The following HHIPL1 variants were observed in gnomAD, a reference collection of about 807,000 sequenced individuals.
HHIPL1 encodes the protein HHIP like 1.
Under a neutral mutation model 61.8 loss-of-function variants are expected in HHIPL1, and 43 were observed. That is an observed-to-expected ratio of 0.70 (90% CI 0.55 to 0.90). The LOEUF is 0.90. Ranked by LOEUF, HHIPL1 falls within the 40% of genes least tolerant of loss-of-function variation. The pLI, the probability that HHIPL1 is intolerant of heterozygous loss-of-function variation, is 0.00. For synonymous variants in HHIPL1, 482 were observed against 515.8 expected (o/e 0.93, Z 0.89); for missense variants, 1,056 against 1,157.7 (o/e 0.91, Z 1.28).
the HHIPL1 span, among the ~76,000 whole-genome samples, chr14:99,612,247 G>A: frequency 1.3e-5 from 2 of 152,192 alleles, no homozygotes; most frequent in Admixed American, 6.5e-5. Flanking sequence ...CTGACGATGA[G>A]AGAAACTGCC....
At chr14:99,628,472 T>A in the HHIPL1 span, among the ~76,000 whole-genome samples, 1 of 150,970 alleles carries the variant, frequency 6.6e-6, no homozygotes, top group African/African-American at 2.4e-5. Context: ...TCCCAGCTAC[T>A]TGGGAGGCTG....
the HHIPL1 span, chr14:99,625,318 A>G: frequency 2.5e-4 from 38 of 152,274 alleles, no homozygotes; most frequent in African/African-American, 8.2e-4. Flanking sequence ...AAGGTCCCAC[A>G]GCCAAGGGGT....
In HHIPL1 at chr14:99,659,769, G is replaced by C; in HGVS notation, c.1375+13G>C. ...AACACCTCTCTCAGTGAGTGCCCGC[G>C]CCCCGGGGACCCCGGCCCCGAATCC... On this transcript the variant is annotated intron_variant, in intron 4 of 8. Transcript: ENST00000330710. 7.5e-7 allele frequency: 1 copy of C among 1,329,352 alleles called. No homozygotes were observed. Among genetic ancestry groups the C allele is most frequent in the Non-Finnish European group, 9.6e-7 (1 of 1,042,810 alleles). The allele number at this position is 1,329,352 out of a possible 1,614,324, so 82.3% of individuals were successfully genotyped here.
At chr14:99,635,438 GA>G in the HHIPL1 span, among the ~76,000 whole-genome samples, 1 of 152,154 alleles carries the variant, frequency 6.6e-6, no homozygotes, top group Non-Finnish European at 1.5e-5. Context: ...GGGTGGCAGG[GA>G]AAAACTTCCA....
At chr14:99,656,821 A>G (rs556936994) in intron 2 of HHIPL1, among the ~76,000 whole-genome samples, 179 bp from the exon 3 acceptor site, 2 of 7,840 alleles carry the variant, frequency 2.6e-4, no homozygotes, top group African/African-American at 6.1e-4. Flanking sequence ...GAAAGAAAGA[A>G]AGAAAGAAAG....
chr14:99,636,956 A>C, the HHIPL1 span, among the ~76,000 whole-genome samples: 1 of 143,146 alleles, frequency 7.0e-6, no homozygotes, highest in East Asian at 2.0e-4. Flanking sequence ...GGTGACAGAG[A>C]AAGATCCTGC....
At chr14:99,633,763 G>A in the HHIPL1 span, among the ~76,000 whole-genome samples, 38 of 152,078 alleles carry the variant, frequency 2.5e-4, no homozygotes, top group African/African-American at 3.9e-4. Context: ...GGCAGCCTCC[G>A]CCTTCCCCAT....
the HHIPL1 span, among the ~76,000 whole-genome samples, chr14:99,605,977 T>TG: frequency 0.047 from 7,214 of 152,108 alleles, 198 homozygotes; most frequent in African/African-American, 0.05. Flanking sequence ...GGGGAGGCAG[T>TG]GGGGTTTTAG....
At chr14:99,669,117 G>T in intron 7 of HHIPL1, 1 of 1,409,914 alleles carries the variant, frequency 7.1e-7, no homozygotes, top group Non-Finnish European at 9.2e-7. Context: ...CTCAGACTTG[G>T]TAATCCCTGG....
the HHIPL1 span, among the ~76,000 whole-genome samples, chr14:99,631,745 T>C: frequency 1.3e-5 from 2 of 152,086 alleles, no homozygotes; most frequent in Admixed American, 1.3e-4. Context: ...GCCTCCTGAG[T>C]AGCTGGGATT....
At chr14:99,645,884 G>A (rs12878622) in intron 1 of HHIPL1, among the ~76,000 whole-genome samples, 27,991 of 152,186 alleles carry the variant, frequency 0.18, 3,003 homozygotes, top group Non-Finnish European at 0.24. Context: ...TGTCCCCGGG[G>A]CAGTGAAAGC....
intron 1 of HHIPL1, among the ~76,000 whole-genome samples, chr14:99,650,377 A>G (rs2055907114): frequency 6.6e-6 from 1 of 152,180 alleles, no homozygotes; most frequent in African/African-American, 2.4e-5. Flanking sequence ...ACTCAGACCC[A>G]GGCTTGGCCT....
rs1248773125 is a variant in HHIPL1 at position 99,677,639 on chromosome 14, T to C, written c.*2013T>C. On this transcript the variant is annotated 3_prime_UTR_variant, in exon 9 of 9. Coordinates refer to ENST00000330710, the MANE Select transcript of HHIPL1 (RefSeq NM_001127258.3). This position sits in a 1 kb window ranked among gnomAD's most constrained non-coding sequence, Gnocchi z 4.3. ...GGCCTGTTGCCAGATGAGGCCACGC[T>C]GAGACTGGAGCCAGGGAAGGTGCAG... 2.0e-5 allele frequency: 3 copies of C among 152,208 alleles called. No homozygotes were observed. The highest frequency in any genetic ancestry group is 7.2e-5 in the African/African-American group (3 of 41,408). 9.4% of individuals were successfully genotyped at this position (152,208 alleles called of 1,614,324 possible).
the HHIPL1 span, among the ~76,000 whole-genome samples, chr14:99,623,654 C>T: frequency 6.6e-6 from 1 of 152,106 alleles, no homozygotes; most frequent in African/African-American, 2.4e-5. Flanking sequence ...TCTCAAGCAA[C>T]CCTCCAGCCT....
At chr14:99,612,765 C>T in the HHIPL1 span, among the ~76,000 whole-genome samples, 1 of 152,094 alleles carries the variant, frequency 6.6e-6, no homozygotes, top group African/African-American at 2.4e-5. Flanking sequence ...ACTCTCAGTG[C>T]CTGGCCCCCG....
At chr14:99,611,201 C>A in the HHIPL1 span, among the ~76,000 whole-genome samples, 1 of 152,144 alleles carries the variant, frequency 6.6e-6, no homozygotes, top group African/African-American at 2.4e-5. Flanking sequence ...TCAGTCATGG[C>A]TGACTGCAGC....
intron 7 of HHIPL1, chr14:99,669,049 C>T: frequency 1.4e-6 from 2 of 1,463,376 alleles, no homozygotes; most frequent in Non-Finnish European, 1.8e-6. Flanking sequence ...CTTCAAGCAC[C>T]TTCCCCAACC....
the HHIPL1 span, among the ~76,000 whole-genome samples, chr14:99,608,404 G>A: frequency 6.6e-6 from 1 of 152,198 alleles, no homozygotes. Context: ...CCTATGAGGA[G>A]GTGTCATTAG....
chr14:99,658,565 G>C (rs1203950064), intron 3 of HHIPL1, among the ~76,000 whole-genome samples: 1 of 152,150 alleles, frequency 6.6e-6, no homozygotes, highest in Non-Finnish European at 1.5e-5. Flanking sequence ...AACCCAGAGG[G>C]AGGACACCAA....
Sources: gnomAD v4.1 joint callset for allele counts (sites outside exome capture counted in the v4.1 genomes callset) on GRCh38, gnomAD v4.1.1 for gene constraint, Gnocchi (gnomAD v3.1) non-coding constraint, MANE v1.5 for transcripts, NCBI Gene and HGNC (gene_info 2026-07-23, HGNC 2026-07-21) for gene names.